MAGI2: variants seen among roughly 807,000 people sequenced by gnomAD.
MAGI2 encodes membrane-associated guanylate kinase, WW and PDZ domain-containing protein 2.
In MAGI2, 35 loss-of-function variants were observed where a neutral mutation model predicts 133.3. The ratio of observed to expected loss-of-function variants is 0.26; its 90% CI spans 0.20 to 0.35. The LOEUF (loss-of-function observed/expected upper bound fraction) is 0.35. Ranked by LOEUF, MAGI2 falls within the 10% of genes least tolerant of loss-of-function variation. The pLI, the probability that MAGI2 is intolerant of heterozygous loss-of-function variation, is 1.00. For synonymous variants in MAGI2, 729 were observed against 710.6 expected (o/e 1.03, Z -0.41); for missense variants, 1,636 against 1,863.4 (o/e 0.88, Z 2.25).
At chr7:78,508,547 C>T (rs1271939114) in intron 4 of MAGI2, among the ~76,000 whole-genome samples, 3 of 152,168 alleles carry the variant, frequency 2.0e-5, no homozygotes, top group African/African-American at 4.8e-5. Context: ...GAGCAAACTT[C>T]GTAATAATGG....
chr7:79,325,046 A>C (rs1354947086), intron 1 of MAGI2, among the ~76,000 whole-genome samples: 1 of 152,046 alleles, frequency 6.6e-6, no homozygotes, highest in African/African-American at 2.4e-5. Flanking sequence ...ACAAATAACT[A>C]AATGTATTAT....
intron 1 of MAGI2, among the ~76,000 whole-genome samples, chr7:79,224,129 A>C (rs865815553): frequency 4.7e-4 from 71 of 152,172 alleles, no homozygotes; most frequent in African/African-American, 1.5e-3. Flanking sequence ...GTACTATCAT[A>C]GGATCCTGGA....
In MAGI2 at chr7:78,800,877, T is replaced by C. The variant is rs554100450; in HGVS notation, c.419-173638A>G. Among the ~76,000 whole-genome samples, 63 of 152,136 alleles carry C rather than the reference T, an allele frequency of 4.1e-4. 4 individuals are homozygous for C. In the South Asian group the frequency reaches 0.01, roughly 25 times the overall value. On this transcript the variant is annotated intron_variant, in intron 2 of 21. Transcript: ENST00000354212. ...GTTCCAAGTGAAACAATAGAGGAAA[T>C]TGAACTTACCTGACCATGAATGGCA...
chr7:78,225,013 C>T (rs1245814484), intron 10 of MAGI2, among the ~76,000 whole-genome samples: 2 of 152,180 alleles, frequency 1.3e-5, no homozygotes, highest in African/African-American at 2.4e-5. Flanking sequence ...ACAGAATTGG[C>T]TCTGCTGGCC....
chr7:79,339,306 A>G lies in MAGI2; in HGVS notation c.301+113714T>C, dbSNP rs1840710544. ...TGTTTATTTACTGTTTTGTACTGTT[A>G]AGTGATACAATTGTACTATGTTACA... On this transcript the variant is annotated intron_variant, in intron 1 of 21. Coordinates refer to ENST00000354212, the MANE Select transcript of MAGI2 (RefSeq NM_012301.4). Among the ~76,000 whole-genome samples the G allele has an allele frequency of 2.0e-5, 3 of 152,196 alleles. No homozygotes were observed. In the South Asian group the frequency reaches 6.2e-4, roughly 32 times the overall value.
At chr7:78,916,537 C>T (rs1359716864) in intron 2 of MAGI2, among the ~76,000 whole-genome samples, 1 of 152,058 alleles carries the variant, frequency 6.6e-6, no homozygotes, top group Admixed American at 6.6e-5. Flanking sequence ...AAAGTAAATT[C>T]ACCCTATTTG....
chr7:78,366,576 C>T lies in MAGI2; in HGVS notation c.1103+2580G>A, dbSNP rs978880160. ...GATGAGATACAGAATTAAAACAAAC[C>T]ATGTAAATAAGTGTATTCCAATTAA... is the stretch of plus-strand genomic sequence containing the variant. On this transcript the variant is annotated intron_variant, in intron 7 of 21. Transcript: ENST00000354212. 3.3e-5 allele frequency among the ~76,000 whole-genome samples: 5 copies of T among 151,986 alleles called. No homozygotes were observed. In the South Asian group the frequency reaches 1.0e-3, roughly 31 times the overall value.
rs143275348 is a variant in MAGI2, at chr7:79,076,250, AC to A, written c.302-69045del. On this transcript the variant is annotated intron_variant, in intron 1 of 21. Coordinates refer to ENST00000354212, the MANE Select transcript of MAGI2 (RefSeq NM_012301.4). The stretch of plus-strand genomic sequence containing the variant: ...TTGGCTCTGAACCAAGTACCTAGGT[AC>A]TAACTAGTTTAGTTTTAATTTAGAG... Among the ~76,000 whole-genome samples the A allele has an allele frequency of 9.2e-5, 14 of 152,168 alleles. No homozygotes were observed. The East Asian group carries it at 2.7e-3, about 29-fold the overall frequency.
Position 79,168,545 on chromosome 7 carries a change from A to G in MAGI2, c.302-161339T>C, listed in dbSNP as rs140624279. Among the ~76,000 whole-genome samples the G allele has an allele frequency of 1.8e-4, 28 of 152,174 alleles. 1 individual carries two copies. In the East Asian group the frequency reaches 5.3e-3, roughly 29 times the overall value. On this transcript the variant is annotated intron_variant, in intron 1 of 21. Transcript: ENST00000354212. ...ATAAGCTCATACTCAGGTATCAGAC[A>G]GTGCATTTTGTTGTTATGTTCTTTA...
chr7:78,671,008 C>A (rs990294619), intron 2 of MAGI2, among the ~76,000 whole-genome samples: 4 of 152,120 alleles, frequency 2.6e-5, no homozygotes, highest in African/African-American at 7.2e-5. Flanking sequence ...CTTTCTAATA[C>A]AATTTAACAT....
At chr7:78,811,649 C>A (rs1220275984) in intron 2 of MAGI2, among the ~76,000 whole-genome samples, 3 of 152,146 alleles carry the variant, frequency 2.0e-5, no homozygotes, top group African/African-American at 7.2e-5. Context: ...CATGCAAACA[C>A]AAAAGGAAGT....
intron 3 of MAGI2, among the ~76,000 whole-genome samples, chr7:78,596,415 A>G (rs886853380): frequency 9.9e-5 from 15 of 152,154 alleles, no homozygotes; most frequent in Non-Finnish European, 2.1e-4. Context: ...TGGCCCCAAG[A>G]GCTTCTATCC....
chr7:78,876,944 T>G (rs1387734370), intron 2 of MAGI2, among the ~76,000 whole-genome samples: 1 of 152,250 alleles, frequency 6.6e-6, no homozygotes, highest in Non-Finnish European at 1.5e-5. Context: ...GTGGGTTATA[T>G]TCCAACTGTT....
intron 6 of MAGI2, among the ~76,000 whole-genome samples, chr7:78,487,899 C>G (rs891587393): frequency 3.9e-5 from 6 of 152,012 alleles, no homozygotes; most frequent in Non-Finnish European, 8.8e-5. Context: ...AATAGCAATC[C>G]ATTAACATCC....
intron 21 of MAGI2, among the ~76,000 whole-genome samples, chr7:78,028,990 T>C (rs1046492719): frequency 3.9e-5 from 6 of 152,124 alleles, no homozygotes; most frequent in African/African-American, 1.4e-4. Context: ...TGAGTAACTC[T>C]AGAGTGCAAG....
chr7:78,198,438 T>TTG (rs938983807), intron 11 of MAGI2, among the ~76,000 whole-genome samples: 14 of 149,524 alleles, frequency 9.4e-5, no homozygotes, highest in Non-Finnish European at 1.9e-4. Flanking sequence ...GTTTTTTTTT[T>TTG]TTTTTTTTTT....
chr7:79,059,751 A>G (rs1218967747), intron 1 of MAGI2, among the ~76,000 whole-genome samples: 1 of 152,136 alleles, frequency 6.6e-6, no homozygotes, highest in Non-Finnish European at 1.5e-5. Context: ...TAAAATGTAA[A>G]GGGAAATATA....
At chr7:78,553,166 C>G (rs1195778336) in intron 3 of MAGI2, among the ~76,000 whole-genome samples, 1 of 151,336 alleles carries the variant, frequency 6.6e-6, no homozygotes. Flanking sequence ...GGGTAACGGC[C>G]TAGGTTTTAC....
intron 21 of MAGI2, among the ~76,000 whole-genome samples, chr7:78,057,999 A>ATGTGTGTGTGTGTGTGTGTGTGTG (rs762405456): frequency 0.044 from 4,822 of 108,532 alleles, 553 homozygotes; most frequent in African/African-American, 0.14. Flanking sequence ...ATATATATAT[A>ATGTGTGTGTGTGTGTGTGTGTGTG]TATATGTATG....
Sources: allele counts gnomAD v4.1 joint callset (sites outside exome capture counted in the v4.1 genomes callset), GRCh38; gene constraint gnomAD v4.1.1; transcripts MANE v1.5; gene names NCBI Gene and HGNC (gene_info 2026-07-23, HGNC 2026-07-21).